Variants in UBE2E2 observed in about 807,000 individuals in gnomAD.
UBE2E2 encodes ubiquitin-conjugating enzyme E2 E2.
A neutral mutation model predicts 24.7 loss-of-function variants in UBE2E2; 6 were observed. The observed-to-expected ratio is 0.24, with a 90% CI of 0.13 to 0.48. The LOEUF (loss-of-function observed/expected upper bound fraction) is 0.48. Ranked by LOEUF, UBE2E2 falls within the 20% of genes least tolerant of loss-of-function variation. The probability of loss-of-function intolerance (pLI) is 0.99; values close to 1 mark genes in which losing one functional copy is unlikely to be tolerated. For synonymous variants in UBE2E2, 104 were observed against 83.6 expected (o/e 1.24, Z -1.33); for missense variants, 169 against 245.0 (o/e 0.69, Z 2.07).
At chr3:23,258,798 C>T (rs1697811498) in intron 3 of UBE2E2, among the ~76,000 whole-genome samples, 1 of 145,920 alleles carries the variant, frequency 6.9e-6, no homozygotes. Flanking sequence ...GAGGCTGAGG[C>T]AGGAGAATGG....
At chr3:23,413,799 G>C (rs925506815) in intron 3 of UBE2E2, among the ~76,000 whole-genome samples, 1 of 152,104 alleles carries the variant, frequency 6.6e-6, no homozygotes, top group Admixed American at 6.6e-5. Flanking sequence ...CAGGCTACCA[G>C]CACTGCACCT....
At chr3:23,553,822 T>G (rs1695709198) in intron 5 of UBE2E2, among the ~76,000 whole-genome samples, 1 of 152,080 alleles carries the variant, frequency 6.6e-6, no homozygotes, top group South Asian at 2.1e-4. Context: ...ATTAAAATAC[T>G]TAGGAATAAA....
chr3:23,255,136 G>T (rs940001113), intron 3 of UBE2E2, among the ~76,000 whole-genome samples: 1 of 144,622 alleles, frequency 6.9e-6, no homozygotes, highest in African/African-American at 2.6e-5. Context: ...GCCCAGGCTG[G>T]AGTGCAGTGG....
chr3:23,405,594 GA>G (rs1290912730), intron 3 of UBE2E2, among the ~76,000 whole-genome samples: 1 of 152,152 alleles, frequency 6.6e-6, no homozygotes, highest in African/African-American at 2.4e-5. Flanking sequence ...AAAGTCAGGT[GA>G]AAAGTGAGGG....
chr3:23,262,572 G>A (rs1044161858), intron 3 of UBE2E2, among the ~76,000 whole-genome samples: 7 of 151,266 alleles, frequency 4.6e-5, no homozygotes, highest in African/African-American at 1.7e-4. Context: ...GAGCCACCAT[G>A]TTCAGTGTAG....
rs761751227 is a variant in UBE2E2, at chr3:23,510,958, A to C, written c.360+11218A>C. Among the ~76,000 whole-genome samples, 233 of 152,332 alleles carry C rather than the reference A, an allele frequency of 1.5e-3. 1 individual carries two copies. Among genetic ancestry groups the C allele is most frequent in the Non-Finnish European group, 1.9e-3 (127 of 68,038 alleles). ...AATTAAGGCTCAGCTGTGAAGATAA[A>C]AACAAGGAGAATAATGTATAAATTC... On this transcript the variant is annotated intron_variant, in intron 4 of 5. Coordinates refer to ENST00000396703, the MANE Select transcript of UBE2E2 (RefSeq NM_152653.4).
intron 4 of UBE2E2, among the ~76,000 whole-genome samples, chr3:23,501,522 C>T (rs954839127): frequency 1.3e-5 from 2 of 152,126 alleles, no homozygotes; most frequent in African/African-American, 2.4e-5. Flanking sequence ...AGTCTGACTC[C>T]AGGGGCCATG....
At chr3:23,239,233 G>A (rs1240606611) in intron 3 of UBE2E2, among the ~76,000 whole-genome samples, 1 of 152,096 alleles carries the variant, frequency 6.6e-6, no homozygotes, top group Non-Finnish European at 1.5e-5. Flanking sequence ...TAGGACTCTT[G>A]TCTCATGCCC....
chr3:23,278,190 A>T (rs1698411230), intron 3 of UBE2E2, among the ~76,000 whole-genome samples: 2 of 152,104 alleles, frequency 1.3e-5, no homozygotes, highest in Admixed American at 1.3e-4. Flanking sequence ...GTATACTTAG[A>T]TCCCTTGCAT....
intron 4 of UBE2E2, among the ~76,000 whole-genome samples, chr3:23,525,029 T>C (rs1196593289): frequency 6.6e-6 from 1 of 152,158 alleles, no homozygotes; most frequent in Non-Finnish European, 1.5e-5. Flanking sequence ...GCTGAGTTCA[T>C]TCTTGAGGCT....
intron 5 of UBE2E2, among the ~76,000 whole-genome samples, chr3:23,543,549 A>G (rs1358513867): frequency 1.8e-5 from 1 of 54,246 alleles, no homozygotes; most frequent in Non-Finnish European, 4.1e-5. Flanking sequence ...AACACTGCTA[A>G]AAAAAAAAAA....
intron 3 of UBE2E2, among the ~76,000 whole-genome samples, chr3:23,382,607 A>G (rs1483812257): frequency 6.6e-6 from 1 of 152,238 alleles, no homozygotes; most frequent in Admixed American, 6.5e-5. Flanking sequence ...AGTATTCACT[A>G]TACATAATTT....
At chr3:23,510,090 G>A (rs1357071066) in intron 4 of UBE2E2, among the ~76,000 whole-genome samples, 1 of 152,128 alleles carries the variant, frequency 6.6e-6, no homozygotes, top group Non-Finnish European at 1.5e-5. Flanking sequence ...TAAGGTAGCA[G>A]CCTCTTAGAG....
intron 2 of UBE2E2, among the ~76,000 whole-genome samples, chr3:23,211,282 T>C (rs996268523): frequency 2.0e-5 from 3 of 152,280 alleles, no homozygotes; most frequent in African/African-American, 7.2e-5. Flanking sequence ...TTTATTCAGA[T>C]GAGAAGCCTT....
intron 3 of UBE2E2, among the ~76,000 whole-genome samples, chr3:23,309,648 A>G (rs1699322860): frequency 6.6e-6 from 1 of 152,140 alleles, no homozygotes. Flanking sequence ...CATCATGTGC[A>G]TCTTGAATAT....
chr3:23,305,513 A>G (rs947655512), intron 3 of UBE2E2, among the ~76,000 whole-genome samples: 2 of 152,204 alleles, frequency 1.3e-5, no homozygotes, highest in Non-Finnish European at 2.9e-5. Context: ...TTGTTTTTGC[A>G]TCAGCAGTAT....
At chr3:23,255,012 A>T (rs1336834273) in intron 3 of UBE2E2, among the ~76,000 whole-genome samples, 1 of 151,796 alleles carries the variant, frequency 6.6e-6, no homozygotes, top group Non-Finnish European at 1.5e-5. Context: ...TTCTGAAGGC[A>T]TATAACCTGG....
chr3:23,303,839 T>G (rs916950099), intron 3 of UBE2E2, among the ~76,000 whole-genome samples: 1 of 152,204 alleles, frequency 6.6e-6, no homozygotes, highest in Admixed American at 6.5e-5. Flanking sequence ...TGACCATTCT[T>G]GGCCTTTTAA....
At chr3:23,411,014 T>C (rs1052904571) in intron 3 of UBE2E2, among the ~76,000 whole-genome samples, 25 of 152,090 alleles carry the variant, frequency 1.6e-4, no homozygotes, top group African/African-American at 6.0e-4. Flanking sequence ...TTAAAGTTCA[T>C]TGAACAAATT....
Sources: allele counts gnomAD v4.1 joint callset (sites outside exome capture counted in the v4.1 genomes callset), GRCh38; gene constraint gnomAD v4.1.1; transcripts MANE v1.5; gene names NCBI Gene and HGNC (gene_info 2026-07-23, HGNC 2026-07-21).